The following RBM5 variants were observed in gnomAD, a reference collection of about 807,000 sequenced individuals.
The protein encoded by RBM5 is RNA-binding protein 5.
In RBM5, 15 loss-of-function variants were observed where a neutral mutation model predicts 124.6. The ratio of observed to expected loss-of-function variants is 0.12; its 90% CI spans 0.08 to 0.19. RBM5 has a LOEUF of 0.19. Among genes scored for constraint, RBM5 ranks in the 10% least tolerant of loss-of-function variants. RBM5 has a pLI of 1.00. For synonymous variants in RBM5, 337 were observed against 361.2 expected, an observed-to-expected ratio of 0.93 and a Z score of 0.76; for missense variants, 580 against 1,026.5, an observed-to-expected ratio of 0.57 and a Z score of 5.94.
chr3:50,108,747 T>C (rs2091086910), intron 14 of RBM5, among the ~76,000 whole-genome samples: 1 of 152,164 alleles, frequency 6.6e-6, no homozygotes, highest in Admixed American at 6.5e-5. Flanking sequence ...TATTCAGGGC[T>C]GTCATCATGT....
chr3:50,105,714 G>T lies in RBM5; in HGVS notation c.855+5G>T, dbSNP rs1221676536. The T allele has an allele frequency of 6.2e-7, 1 of 1,612,378 alleles. No individual in the cohort carries two copies. ...GTGCAGCTGTCCTCTGCAATGGTGAGGTTCTCATCGATTCTTTCCTTTTTA... is the reference window on the plus strand; with the variant it reads ...GTGCAGCTGTCCTCTGCAATGGTGATGTTCTCATCGATTCTTTCCTTTTTA... On this transcript the variant is annotated splice_donor_5th_base_variant and intron_variant, in intron 10 of 24. Coordinates refer to ENST00000347869, the MANE Select transcript of RBM5 (RefSeq NM_005778.4).
chr3:50,109,623 T>C lies in RBM5; in HGVS notation c.1213T>C (p.Ser405Pro), dbSNP rs901479663. The C allele has an allele frequency of 1.9e-6, 3 of 1,614,010 alleles. No individual in the cohort carries two copies. Among genetic ancestry groups the C allele is most frequent in the Non-Finnish European group, 8.5e-7 (1 of 1,179,986 alleles). Reference protein sequence around the residue: ...SASGTAVTTTSAAVVSQSPQL... With the variant: ...SASGTAVTTTPAAVVSQSPQL... ...ATCAGGCACAGCAGTGACCACCACC[T>C]CAGCGGCTGTAGTGTCCCAGAGTCC... The change falls in exon 15 of 25, where the codon TCA becomes CCA. Residue 405 changes from serine (S) to proline (P), a missense_variant. Transcript: ENST00000347869.
intron 20 of RBM5, 45 bp downstream of exon 20, chr3:50,114,296 G>A (rs918666540): frequency 1.3e-6 from 2 of 1,558,324 alleles, no homozygotes; most frequent in Admixed American, 2.1e-5. Flanking sequence ...TCTGTGGTTT[G>A]TGTCTCACTT....
chr3:50,090,400 C>T lies in RBM5; in HGVS notation c.-35C>T, dbSNP rs1455907611. Reference sequence around the variant, plus strand: ...CTCCTAGAAAAAATAAAATTTGAACCTTTTGGAGCTGTGTGCTAAATCTTC... The same window carrying T: ...CTCCTAGAAAAAATAAAATTTGAACTTTTTGGAGCTGTGTGCTAAATCTTC... On this transcript the variant is annotated 5_prime_UTR_variant, in exon 2 of 25. Coordinates refer to ENST00000347869, the MANE Select transcript of RBM5 (RefSeq NM_005778.4). 1.4e-5 allele frequency: 22 copies of T among 1,612,780 alleles called. No individual in the cohort carries two copies. Among genetic ancestry groups the T allele is most frequent in the Non-Finnish European group, 1.7e-5 (20 of 1,179,436 alleles).
intron 9 of RBM5, 34 bp from the exon 10 acceptor site, chr3:50,105,515 G>A (rs765539462): frequency 2.5e-6 from 4 of 1,600,566 alleles, no homozygotes; most frequent in African/African-American, 2.7e-5. Flanking sequence ...TGGTGGGAAT[G>A]CATGTGTATG....
intron 10 of RBM5, 80 bp from the exon 11 acceptor site, chr3:50,106,687 C>G (rs2091039531): frequency 9.8e-7 from 1 of 1,015,672 alleles, no homozygotes; most frequent in Admixed American, 2.1e-5. Context: ...TAATAGAAAA[C>G]TACTTCTTTG....
rs2091300979 is a variant in RBM5, at chr3:50,118,542, A to ATGCCC, written c.*90_*91insCTGCC. The ATGCCC allele has an allele frequency of 6.6e-7, 1 of 1,515,366 alleles. No individual in the cohort carries two copies. Among genetic ancestry groups the ATGCCC allele is most frequent in the African/African-American group, 1.4e-5 (1 of 72,886 alleles). 93.9% of individuals were successfully genotyped at this position (1,515,366 alleles called of 1,614,324 possible). A position where few individuals can be genotyped will look rare whatever the true frequency, so the allele number is the denominator to read the frequency against. The stretch of plus-strand genomic sequence containing the variant: ...TGTTACCGCCTGTCTCTTTAAGGGC[A>ATGCCC]TGCCTTGTGCTGTTAATAGATCTTA... On this transcript the variant is annotated 3_prime_UTR_variant, in exon 25 of 25. Coordinates refer to ENST00000347869, the MANE Select transcript of RBM5 (RefSeq NM_005778.4).
At chr3:50,107,684 T>C (rs1314677285) in intron 12 of RBM5, 115 bp downstream of exon 12, 8 of 542,744 alleles carry the variant, frequency 1.5e-5, no homozygotes, top group South Asian at 7.6e-5. Flanking sequence ...TTTTTTTTTT[T>C]TTTTTTTTTT....
rs1285740607 is a variant in RBM5, at chr3:50,100,298, A to G, written c.410-234A>G. ...TAAACTCCTTTTTTTTTTTGACTATAGTCGGTTGCATGGTTACTTTAAGCG... is the reference window on the plus strand; with the variant it reads ...TAAACTCCTTTTTTTTTTTGACTATGGTCGGTTGCATGGTTACTTTAAGCG... On this transcript the variant is annotated intron_variant, in intron 5 of 24. Transcript: ENST00000347869. This position sits in a 1 kb window ranked among gnomAD's most constrained non-coding sequence, Gnocchi z 5.1. The G allele has an allele frequency of 1.3e-5, 7 of 547,404 alleles. No individual in the cohort carries two copies. The highest frequency in any genetic ancestry group is 1.6e-5 in the Non-Finnish European group (5 of 312,760). The allele number at this position is 547,404 out of a possible 1,614,324, so 33.9% of individuals were successfully genotyped here. A position where few individuals can be genotyped will look rare whatever the true frequency, so the allele number is the denominator to read the frequency against.
chr3:50,101,336 T>C (rs2090935893), intron 6 of RBM5: 1 of 152,224 alleles, frequency 6.6e-6, no homozygotes. Context: ...TTGAATGCCT[T>C]TAACCAAGTG....
At position 50,118,797 on chromosome 3, in the gene RBM5, T is replaced by C. The variant is rs947931986; in HGVS notation, c.*341T>C. The C allele has an allele frequency of 2.2e-5, 5 of 229,910 alleles. No homozygotes were observed. The highest frequency in any genetic ancestry group is 4.3e-5 in the Non-Finnish European group (5 of 116,996). The allele number at this position is 229,910 out of a possible 1,614,324, so 14.2% of individuals were successfully genotyped here. A position where few individuals can be genotyped will look rare whatever the true frequency, so the allele number is the denominator to read the frequency against. ...ACATTCCTAGGGGTTTGAGATGCTG[T>C]AGGTGGTATGTGACACCAAAGCCAC... On this transcript the variant is annotated 3_prime_UTR_variant, in exon 25 of 25. Coordinates refer to ENST00000347869, the MANE Select transcript of RBM5 (RefSeq NM_005778.4).
rs2090651641 is a variant in RBM5, at chr3:50,089,023, C to T, written c.-60C>T. 6.6e-6 allele frequency: 1 copy of T among 152,304 alleles called. No individual in the cohort carries two copies. Among genetic ancestry groups the T allele is most frequent in the Non-Finnish European group, 1.5e-5 (1 of 68,082 alleles). 9.4% of individuals were successfully genotyped at this position (152,304 alleles called of 1,614,324 possible). A position where few individuals can be genotyped will look rare whatever the true frequency, so the allele number is the denominator to read the frequency against. On this transcript the variant is annotated 5_prime_UTR_variant, in exon 1 of 25. Coordinates refer to ENST00000347869, the MANE Select transcript of RBM5 (RefSeq NM_005778.4). The stretch of plus-strand genomic sequence containing the variant: ...AACCGCTACTGCTGCTTCGGTCTCT[C>T]CTTGGGGTAAGTGCGGCGGCTGTCT...
At chr3:50,107,133 G>A in intron 11 of RBM5, 1 of 671,004 alleles carries the variant, frequency 1.5e-6, no homozygotes, top group Non-Finnish European at 2.7e-6. Context: ...GCAAACTGCA[G>A]CAGTATAGTG....
At chr3:50,113,812 T>C in intron 18 of RBM5, 138 bp from the exon 19 acceptor site, 1 of 1,068,946 alleles carries the variant, frequency 9.4e-7, no homozygotes, top group Non-Finnish European at 1.4e-6. Flanking sequence ...TAACATCTAA[T>C]GGAAATATTT....
At position 50,113,488 on chromosome 3, in the gene RBM5, C is replaced by T. The variant is rs1217712730; in HGVS notation, c.1561C>T (p.Pro521Ser). Reference protein sequence around the residue: ...SSSHQQSGLPPAKEGKEKKEK... With the variant: ...SSSHQQSGLPSAKEGKEKKEK... The stretch of plus-strand genomic sequence containing the variant: ...CTCCCACCAGCAGTCGGGCCTGCCT[C>T]CTGCAAAAGAGGGGAAAGAGAAGAA... The change falls in exon 18 of 25, where the codon CCT (proline) becomes TCT (serine). Residue 521 changes from proline to serine, a missense_variant. By Grantham distance (74) the Pro-to-Ser change is moderately conservative. Coordinates refer to ENST00000347869, the MANE Select transcript of RBM5 (RefSeq NM_005778.4). 11 of 1,613,958 alleles carry T rather than the reference C, an allele frequency of 6.8e-6. No individual in the cohort carries two copies. In the East Asian group the frequency reaches 2.5e-4, roughly 36 times the overall value.
intron 7 of RBM5, 120 bp downstream of exon 7, chr3:50,103,286 G>T (rs1343622190): frequency 3.6e-6 from 3 of 841,630 alleles, no homozygotes; most frequent in Non-Finnish European, 5.8e-6. Flanking sequence ...AATATTCATG[G>T]TTTGTTACTT....
intron 12 of RBM5, 37 bp from the exon 13 acceptor site, chr3:50,108,033 A>G: frequency 6.5e-7 from 1 of 1,540,346 alleles, no homozygotes; most frequent in Non-Finnish European, 9.0e-7. Context: ...CTTAATGCCT[A>G]CTAAGTTTGT....
At chr3:50,105,172 A>G (rs932981322) in intron 9 of RBM5, 30 bp downstream of exon 9, 5 of 1,522,672 alleles carry the variant, frequency 3.3e-6, no homozygotes, top group Non-Finnish European at 3.6e-6. Context: ...TTTGGTCTTC[A>G]TGTTAAAAAT....
At chr3:50,094,024 A>T in intron 4 of RBM5, 149 bp downstream of exon 4, 1 of 715,366 alleles carries the variant, frequency 1.4e-6, no homozygotes, top group Non-Finnish European at 2.1e-6. Flanking sequence ...AACTGTTTTG[A>T]TATTTTTTTT....
Sources: gnomAD v4.1 joint callset for allele counts (sites outside exome capture counted in the v4.1 genomes callset) on GRCh38, gnomAD v4.1.1 for gene constraint, Gnocchi (gnomAD v3.1) non-coding constraint, MANE v1.5 for transcripts, NCBI Gene and HGNC (gene_info 2026-07-23, HGNC 2026-07-21) for gene names.